Variants in PCDHA3 observed in about 807,000 individuals in gnomAD.
The protein encoded by PCDHA3 is protocadherin alpha 3.
Under a neutral mutation model 62.2 loss-of-function variants are expected in PCDHA3, and 41 were observed. The observed-to-expected ratio is 0.66, with a 90% confidence interval of 0.51 to 0.86. PCDHA3 has a LOEUF of 0.86. Ranked by LOEUF, PCDHA3 falls within the 40% of genes least tolerant of loss-of-function variation. The pLI is 0.00. For synonymous variants in PCDHA3, 640 were observed against 555.4 expected (o/e 1.15, Z -2.14); for missense variants, 1,304 against 1,241.2 (o/e 1.05, Z -0.76).
chr5:140,961,336 G>C (rs2095605046), intron 1 of PCDHA3, among the ~76,000 whole-genome samples: 1 of 152,178 alleles, frequency 6.6e-6, no homozygotes, highest in African/African-American at 2.4e-5. Context: ...GAGAGACCAA[G>C]AGTGGATCCC....
At position 140,801,897 on chromosome 5, in the gene PCDHA3, G is replaced by C; in HGVS notation, c.700G>C (p.Asp234His). Reference protein sequence around the residue: ...GTTQLKITVLDVNDNAPAFER... With the variant: ...GTTQLKITVLHVNDNAPAFER... Reference sequence around the variant, plus strand: ...GACTCAACTAAAGATCACTGTTTTAGATGTAAACGACAACGCCCCAGCGTT... The same window carrying C: ...GACTCAACTAAAGATCACTGTTTTACATGTAAACGACAACGCCCCAGCGTT... Residue 234 changes from aspartate (D) to histidine (H), a missense_variant, in exon 1 of 4, where the codon GAT becomes CAT. Physicochemically the swap from Asp to His is moderately conservative, Grantham distance 81 (BLOSUM62 -1). Coordinates refer to ENST00000522353, the MANE Select transcript of PCDHA3 (RefSeq NM_018906.3). The C allele has an allele frequency of 2.5e-6, 4 of 1,614,178 alleles. No individual in the cohort carries two copies. The highest frequency in any genetic ancestry group is 3.4e-6 in the Non-Finnish European group (4 of 1,180,030).
intron 1 of PCDHA3, chr5:140,829,802 G>A (rs1554132256): frequency 5.0e-6 from 8 of 1,613,872 alleles, no homozygotes; most frequent in Non-Finnish European, 5.9e-6. Flanking sequence ...GCCTCGGGTG[G>A]GTGGTACTGG....
intron 1 of PCDHA3, among the ~76,000 whole-genome samples, chr5:140,817,959 T>G (rs1302606162): frequency 6.6e-6 from 1 of 152,216 alleles, no homozygotes; most frequent in Non-Finnish European, 1.5e-5. Context: ...TCAATTAGTG[T>G]GTCTTTTTTT....
chr5:140,904,555 CT>C (rs569725486), intron 1 of PCDHA3, among the ~76,000 whole-genome samples: 14 of 151,628 alleles, frequency 9.2e-5, no homozygotes, highest in Non-Finnish European at 1.8e-4. Context: ...CATATAATGA[CT>C]TTTTTTTCCT....
At chr5:140,881,046 T>C (rs1554171694) in intron 1 of PCDHA3, among the ~76,000 whole-genome samples, 1 of 152,238 alleles carries the variant, frequency 6.6e-6, no homozygotes, top group African/African-American at 2.4e-5. Context: ...TATAGAGTTG[T>C]GCACAGAACA....
chr5:140,857,243 A>G (rs2044443964), intron 1 of PCDHA3: 1 of 1,598,366 alleles, frequency 6.3e-7, no homozygotes, highest in African/African-American at 1.3e-5. Flanking sequence ...GCTGGTGTCC[A>G]CCTACAAGAA....
At chr5:140,891,819 G>C (rs1282245838) in intron 1 of PCDHA3, among the ~76,000 whole-genome samples, 3 of 152,098 alleles carry the variant, frequency 2.0e-5, no homozygotes, top group African/African-American at 7.2e-5. Context: ...ATAAATTAAC[G>C]GCACTGTAAA....
At chr5:140,958,301 TA>T (rs2095417556) in intron 1 of PCDHA3, among the ~76,000 whole-genome samples, 1 of 152,248 alleles carries the variant, frequency 6.6e-6, no homozygotes, top group African/African-American at 2.4e-5. Flanking sequence ...TGAACTTAAT[TA>T]AAATAAATTA....
chr5:140,948,637 T>C (rs2094284946), intron 1 of PCDHA3, among the ~76,000 whole-genome samples: 1 of 151,712 alleles, frequency 6.6e-6, no homozygotes, highest in Non-Finnish European at 1.5e-5. Context: ...TATTCTCTCA[T>C]CTTTTAACGT....
intron 1 of PCDHA3, among the ~76,000 whole-genome samples, chr5:140,917,076 T>C (rs986884478): frequency 1.3e-5 from 2 of 152,124 alleles, no homozygotes; most frequent in East Asian, 3.9e-4. Flanking sequence ...CCGAGTTTAA[T>C]GTAAAGTTCC....
At chr5:140,876,143 G>A in intron 1 of PCDHA3, 1 of 1,613,870 alleles carries the variant, frequency 6.2e-7, no homozygotes, top group South Asian at 1.1e-5. Flanking sequence ...GAACTAACAG[G>A]GTCTGTCCAG....
chr5:140,837,977 C>A (rs1377931639), intron 1 of PCDHA3, among the ~76,000 whole-genome samples: 4 of 151,682 alleles, frequency 2.6e-5, no homozygotes, highest in African/African-American at 4.9e-5. Flanking sequence ...CCACACCCAG[C>A]CTGCCTTTCA....
chr5:140,995,654 A>C (rs1183016354), intron 3 of PCDHA3, among the ~76,000 whole-genome samples: 2 of 152,184 alleles, frequency 1.3e-5, no homozygotes, highest in Non-Finnish European at 1.5e-5. Flanking sequence ...AGGAGAATCG[A>C]AAAGGGAAGT....
intron 1 of PCDHA3, among the ~76,000 whole-genome samples, chr5:140,942,637 A>C (rs1175766630): frequency 6.6e-6 from 1 of 152,178 alleles, no homozygotes; most frequent in African/African-American, 2.4e-5. Context: ...AAAATGGCAA[A>C]AGAGATCTCA....
At chr5:140,957,855 T>TC (rs1398127159) in intron 1 of PCDHA3, among the ~76,000 whole-genome samples, 1 of 151,980 alleles carries the variant, frequency 6.6e-6, no homozygotes, top group Non-Finnish European at 1.5e-5. Context: ...TTTGTGTATT[T>TC]TTTTTCCTAT....
intron 1 of PCDHA3, among the ~76,000 whole-genome samples, chr5:140,964,239 GTTGGC>G (rs2095819198): frequency 6.6e-6 from 1 of 152,180 alleles, no homozygotes; most frequent in African/African-American, 2.4e-5. Context: ...GGCTGATTGT[GTTGGC>G]TTTATATTTG....
At chr5:140,979,083 C>T (rs563728648) in intron 2 of PCDHA3, 76 bp downstream of exon 2, 207 of 1,562,578 alleles carry the variant, frequency 1.3e-4, no homozygotes, top group Admixed American at 6.5e-4. Context: ...TCTCCATAGG[C>T]CAGAAGCAGC....
chr5:140,953,837 C>T (rs1585533226), intron 1 of PCDHA3, among the ~76,000 whole-genome samples: 1 of 151,614 alleles, frequency 6.6e-6, no homozygotes, highest in African/African-American at 2.4e-5. Flanking sequence ...GGTTTGTTAC[C>T]CAGGTAAACA....
rs148067258 is a variant in PCDHA3 at position 140,850,948 on chromosome 5, G to A, written c.2394+47357G>A. The A allele has an allele frequency of 9.7e-3, 14,493 of 1,499,630 alleles. 1,246 individuals are homozygous for A. Among genetic ancestry groups the A allele is most frequent in the Non-Finnish European group, 0.01 (11,557 of 1,116,880 alleles). The allele number at this position is 1,499,630 out of a possible 1,614,324, so 92.9% of individuals were successfully genotyped here. On this transcript the variant is annotated intron_variant, in intron 1 of 3. Coordinates refer to ENST00000522353, the MANE Select transcript of PCDHA3 (RefSeq NM_018906.3). The stretch of plus-strand genomic sequence containing the variant: ...ATTTTTTTTCTTGAAAGATATTATC[G>A]ATTACTCCCAGGGGCCGTTCAAATA...
Sources: allele counts gnomAD v4.1 joint callset (sites outside exome capture counted in the v4.1 genomes callset), GRCh38; gene constraint gnomAD v4.1.1; transcripts MANE v1.5; gene names NCBI Gene and HGNC (gene_info 2026-07-23, HGNC 2026-07-21).